Variants in PCLO observed in about 807,000 individuals in gnomAD.
PCLO encodes piccolo presynaptic cytomatrix protein.
PCLO carries 82 observed loss-of-function variants against 427.5 expected under a neutral mutation model. That is an observed-to-expected ratio of 0.19 (90% confidence interval 0.16 to 0.23). The LOEUF is 0.23. Ranked by LOEUF, PCLO falls within the 10% of genes least tolerant of loss-of-function variation. The probability of loss-of-function intolerance (pLI) is 1.00; values close to 1 mark genes in which losing one functional copy is unlikely to be tolerated. For missense variants in PCLO, 6,239 were observed against 6,115.9 expected (o/e 1.02, Z -0.67); for synonymous variants, 2,357 against 2,155.4 (o/e 1.09, Z -2.59).
chr7:82,914,956 T>A lies in PCLO; in HGVS notation c.13030A>T (p.Ile4344Phe). 1 of 1,613,734 alleles carries A rather than the reference T, an allele frequency of 6.2e-7. No homozygotes were observed. The highest frequency in any genetic ancestry group is 8.5e-7 in the Non-Finnish European group (1 of 1,179,728). ...GGTATTCTTCCTCTACTTTGACTAA[T>A]TGGCAAACTGGTCGGCTTAGTTCTG... ...SARTKPTSLPISQSRGRIPIV... is the reference protein window; with the variant it reads ...SARTKPTSLPFSQSRGRIPIV... Residue 4344 changes from isoleucine (I) to phenylalanine (F), a missense_variant, in exon 7 of 25, where the codon ATT (isoleucine) becomes TTT (phenylalanine). By Grantham distance (21) the Ile-to-Phe change is conservative. Coordinates refer to ENST00000333891, the MANE Select transcript of PCLO (RefSeq NM_033026.6).
At chr7:82,895,671 G>T (rs944034555) in intron 9 of PCLO, among the ~76,000 whole-genome samples, 11 of 151,860 alleles carry the variant, frequency 7.2e-5, no homozygotes, top group African/African-American at 2.7e-4. Flanking sequence ...AAAGGATAAA[G>T]TATGATGAAT....
chr7:82,835,830 C>T, intron 15 of PCLO, 137 bp from the exon 16 acceptor site: 1 of 677,208 alleles, frequency 1.5e-6, no homozygotes, highest in South Asian at 1.8e-5. Context: ...ACATAAATGA[C>T]ATGAGGCAGA....
At chr7:82,909,079 A>G in intron 7 of PCLO, 66 bp from the exon 8 acceptor site, 1 of 1,540,320 alleles carries the variant, frequency 6.5e-7, no homozygotes, top group Non-Finnish European at 8.9e-7. Context: ...AGGGAAGCAG[A>G]TGTTCTGTAG....
At chr7:83,153,838 C>A (rs193121687) in intron 2 of PCLO, among the ~76,000 whole-genome samples, 1 of 152,026 alleles carries the variant, frequency 6.6e-6, no homozygotes. Context: ...TGTTTTATTT[C>A]TTAATGCCAG....
At chr7:83,057,692 A>T (rs1181849835) in intron 3 of PCLO, among the ~76,000 whole-genome samples, 4 of 151,796 alleles carry the variant, frequency 2.6e-5, no homozygotes, top group African/African-American at 9.7e-5. Flanking sequence ...TCTTCTTATG[A>T]TCTTATACCT....
chr7:83,148,310 C>A (rs1792044967), intron 2 of PCLO, among the ~76,000 whole-genome samples: 1 of 152,132 alleles, frequency 6.6e-6, no homozygotes, highest in Non-Finnish European at 1.5e-5. Context: ...AACCCCATCC[C>A]TCTCTTGGAA....
At chr7:82,882,642 G>T (rs1464233321) in intron 9 of PCLO, among the ~76,000 whole-genome samples, 1 of 152,090 alleles carries the variant, frequency 6.6e-6, no homozygotes, top group African/African-American at 2.4e-5. Context: ...ACCTTCAAAG[G>T]TTGGGATATT....
intron 24 of PCLO, 121 bp from the exon 25 acceptor site, chr7:82,758,836 A>G (rs1790372157): frequency 1.7e-6 from 1 of 582,210 alleles, no homozygotes; most frequent in Non-Finnish European, 3.0e-6. Flanking sequence ...GGTGACGCTG[A>G]GTAGAAGTAG....
At chr7:83,001,958 A>G (rs1787835148) in intron 3 of PCLO, among the ~76,000 whole-genome samples, 1 of 151,964 alleles carries the variant, frequency 6.6e-6, no homozygotes, top group South Asian at 2.1e-4. Flanking sequence ...TTACTATAAT[A>G]TTCTACCACA....
chr7:82,823,575 C>T (rs1791852996), intron 19 of PCLO, among the ~76,000 whole-genome samples: 1 of 152,110 alleles, frequency 6.6e-6, no homozygotes, highest in African/African-American at 2.4e-5. Flanking sequence ...TTATGAACCT[C>T]TCAAAGGAAA....
At chr7:82,982,752 T>A (rs1205635207) in intron 3 of PCLO, among the ~76,000 whole-genome samples, 2 of 151,982 alleles carry the variant, frequency 1.3e-5, no homozygotes, top group African/African-American at 4.8e-5. Flanking sequence ...GCGTAACATT[T>A]TGGTCATATT....
At chr7:83,025,974 C>A (rs1307115400) in intron 3 of PCLO, among the ~76,000 whole-genome samples, 1 of 152,094 alleles carries the variant, frequency 6.6e-6, no homozygotes, top group Non-Finnish European at 1.5e-5. Context: ...TGGAAAGGAA[C>A]AACCGGTACC....
intron 6 of PCLO, among the ~76,000 whole-genome samples, chr7:82,933,115 T>C (rs1389452811): frequency 1.3e-5 from 2 of 152,006 alleles, no homozygotes; most frequent in African/African-American, 4.8e-5. Flanking sequence ...AATGACTCAC[T>C]TTAGAGCCAG....
At chr7:82,919,353 T>G (rs889887599) in intron 6 of PCLO, among the ~76,000 whole-genome samples, 1 of 151,836 alleles carries the variant, frequency 6.6e-6, no homozygotes, top group Non-Finnish European at 1.5e-5. Flanking sequence ...AGCCAGAAGG[T>G]AATGGAGTGA....
At chr7:82,812,941 C>T (rs1285787763) in intron 20 of PCLO, among the ~76,000 whole-genome samples, 3 of 151,310 alleles carry the variant, frequency 2.0e-5, no homozygotes, top group African/African-American at 7.3e-5. Flanking sequence ...GGAATAAAGA[C>T]TACTGTAAAA....
intron 13 of PCLO, among the ~76,000 whole-genome samples, chr7:82,843,831 A>G (rs1487497969): frequency 6.6e-6 from 1 of 151,550 alleles, no homozygotes; most frequent in Non-Finnish European, 1.5e-5. Context: ...GACCTGGCTA[A>G]TTTTTGTATT....
Position 82,952,019 on chromosome 7 carries a change from T to A in PCLO, c.8934A>T (p.Arg2978=), listed in dbSNP as rs1795362981. 1.9e-6 allele frequency: 3 copies of A among 1,613,832 alleles called. No individual in the cohort carries two copies. Among genetic ancestry groups the A allele is most frequent in the South Asian group, 2.2e-5 (2 of 91,094 alleles). ...GYRDDHYQYD[R]SGPYGYRGIG... is the part of the protein sequence containing the mutation. ...TCCCTCTATAACCATATGGCCCTGA[T>A]CGATCATACTGATAGTGGTCATCCC... The change falls in exon 5 of 25, where the codon CGA becomes CGT. Residue 2978 remains arginine, a synonymous_variant. Coordinates refer to ENST00000333891, the MANE Select transcript of PCLO (RefSeq NM_033026.6).
rs760411678 is a variant in PCLO at position 82,955,439 on chromosome 7, C to G, written c.5514G>C (p.Pro1838=). 1.9e-6 allele frequency: 3 copies of G among 1,613,678 alleles called. No individual in the cohort carries two copies. The South Asian group carries it at 3.3e-5, about 18-fold the overall frequency. ...SNLSPIEDAS[P]TEELRQAAEM... is the part of the protein sequence containing the mutation. Reference sequence around the variant, plus strand: ...CTGCAGCCTGACGTAACTCTTCTGTCGGAGATGCATCTTCAATGGGAGAGA... The same window carrying G: ...CTGCAGCCTGACGTAACTCTTCTGTGGGAGATGCATCTTCAATGGGAGAGA... The change falls in exon 5 of 25, where the codon CCG becomes CCC. Residue 1838 remains proline (P), a synonymous_variant. Coordinates refer to ENST00000333891, the MANE Select transcript of PCLO (RefSeq NM_033026.6).
intron 10 of PCLO, among the ~76,000 whole-genome samples, chr7:82,864,793 G>A (rs1275871110): frequency 6.6e-6 from 1 of 151,976 alleles, no homozygotes; most frequent in Non-Finnish European, 1.5e-5. Flanking sequence ...CTGGAAGCCC[G>A]GAGAATGGTT....
Sources: gnomAD v4.1 joint callset for allele counts (sites outside exome capture counted in the v4.1 genomes callset) on GRCh38, gnomAD v4.1.1 for gene constraint, MANE v1.5 for transcripts, NCBI Gene and HGNC (gene_info 2026-07-23, HGNC 2026-07-21) for gene names.